Variants in GDF1 observed in about 807,000 individuals in gnomAD.
GDF1 encodes the protein growth differentiation factor 1.
Under a neutral mutation model 7.4 loss-of-function variants are expected in GDF1, and 8 were observed. The observed-to-expected ratio is 1.09, with a 90% CI of 0.64 to 1.96. The LOEUF (loss-of-function observed/expected upper bound fraction) is 1.96, where lower values mean the gene tolerates loss of function less well. GDF1 is among the 30% of genes most tolerant of loss of function. The pLI, the probability that GDF1 is intolerant of heterozygous loss-of-function variation, is 0.00. For synonymous variants in GDF1, 311 were observed against 276.7 expected (o/e 1.12, Z -1.23); for missense variants, 574 against 551.5 (o/e 1.04, Z -0.41).
chr19:18,894,855 C>T (rs567021917), intron 1 of GDF1, among the ~76,000 whole-genome samples: 1 of 152,304 alleles, frequency 6.6e-6, no homozygotes, highest in South Asian at 2.1e-4. Flanking sequence ...CCTTTGTTGG[C>T]GCTGGGCACA....
chr19:18,894,241 A>T (rs1437340725), intron 1 of GDF1, among the ~76,000 whole-genome samples: 1 of 23,814 alleles, frequency 4.2e-5, no homozygotes, highest in Non-Finnish European at 7.9e-5. Flanking sequence ...GGGGTTGGGG[A>T]GTGCGGTGGG....
At chr19:18,869,936 G>T in intron 7 of GDF1, 47 bp downstream of exon 7, 1 of 1,527,696 alleles carries the variant, frequency 6.5e-7, no homozygotes. Flanking sequence ...CTCGCCCTGC[G>T]AGGTCTGGCC....
intron 6 of GDF1, among the ~76,000 whole-genome samples, chr19:18,876,417 C>T (rs941339396): frequency 1.3e-5 from 2 of 152,128 alleles, no homozygotes; most frequent in Non-Finnish European, 1.5e-5. Context: ...GGTGTGATCA[C>T]GGCTCACTGC....
rs538613413 is a variant in GDF1 at position 18,889,509 on chromosome 19, C to T, written c.-914+3907G>A. Among the ~76,000 whole-genome samples the T allele has an allele frequency of 4.6e-5, 7 of 152,240 alleles. No homozygotes were observed. In the South Asian group the frequency reaches 6.2e-4, roughly 14 times the overall value. On this transcript the variant is annotated intron_variant, in intron 2 of 7. Coordinates refer to ENST00000247005, the MANE Select transcript of GDF1 (RefSeq NM_001492.6). ...TTGGCTCACTGCAGCCTCGACCTCC[C>T]GGGCTCAAGCCTCAGCCTCAGCCTC...
Position 18,888,621 on chromosome 19 carries a change from G to A in GDF1, c.-913-4354C>T, listed in dbSNP as rs549976891. On this transcript the variant is annotated intron_variant, in intron 2 of 7. Transcript: ENST00000247005. The stretch of plus-strand genomic sequence containing the variant: ...CAAGGGAGGCAGATCACCTGAAGTC[G>A]GGAGTTCAAGACCAGCCTGACCAAC... 1.1e-4 allele frequency among the ~76,000 whole-genome samples: 17 copies of A among 149,826 alleles called. No individual in the cohort carries two copies. The South Asian group carries it at 3.2e-3, about 28-fold the overall frequency.
chr19:18,885,517 T>G (rs867528172), intron 2 of GDF1, among the ~76,000 whole-genome samples: 2 of 137,542 alleles, frequency 1.5e-5, no homozygotes, highest in Non-Finnish European at 1.5e-5. Context: ...TCTCGTTTTT[T>G]TTTTTTTTTT....
intron 2 of GDF1, among the ~76,000 whole-genome samples, chr19:18,890,803 A>AG (rs2056471737): frequency 6.8e-6 from 1 of 146,624 alleles, no homozygotes; most frequent in Non-Finnish European, 1.5e-5. Flanking sequence ...AAAAAAAAAA[A>AG]GCAGCTAAAG....
chr19:18,881,604 G>T (rs2146023238), intron 3 of GDF1: 1 of 152,302 alleles, frequency 6.6e-6, no homozygotes. Flanking sequence ...CGAGGGTCCT[G>T]GATTCACCCT....
chr19:18,894,285 C>T (rs2056571853), intron 1 of GDF1, among the ~76,000 whole-genome samples: 2 of 151,858 alleles, frequency 1.3e-5, no homozygotes, highest in South Asian at 4.2e-4. Flanking sequence ...CCAGAGCTGC[C>T]CGGCCAAGCC....
At chr19:18,884,845 C>A (rs1180698138) in intron 2 of GDF1, among the ~76,000 whole-genome samples, 4 of 150,488 alleles carry the variant, frequency 2.7e-5, no homozygotes. Context: ...TCCAGAGTAG[C>A]TGGGATTACA....
Position 18,878,064 on chromosome 19 carries a change from CA to C in GDF1, c.-313+865del, listed in dbSNP as rs1426304316. Reference sequence around the variant, plus strand: ...TGTCTGCATCTCGCACCTCCCGTTCCAAAAAACGTCACGGAGCTCTGAGCCA... The same window carrying C: ...TGTCTGCATCTCGCACCTCCCGTTCCAAAAACGTCACGGAGCTCTGAGCCA... On this transcript the variant is annotated intron_variant, in intron 6 of 7. Transcript: ENST00000247005. The surrounding 1 kb of genome is among the most constrained non-coding windows in gnomAD (Gnocchi z 4.6). 1 of 985,410 alleles carries C rather than the reference CA, an allele frequency of 1.0e-6. No individual in the cohort carries two copies. Among genetic ancestry groups the C allele is most frequent in the Middle Eastern group, 5.2e-4 (1 of 1,914 alleles). The allele number at this position is 985,410 out of a possible 1,614,324, so 61.0% of individuals were successfully genotyped here.
chr19:18,895,997 C>G lies in GDF1; in HGVS notation c.-1247G>C. 9.7e-7 allele frequency: 1 copy of G among 1,032,116 alleles called. No homozygotes were observed. The highest frequency in any genetic ancestry group is 1.2e-6 in the Non-Finnish European group (1 of 861,100). The allele number at this position is 1,032,116 out of a possible 1,614,324, so 63.9% of individuals were successfully genotyped here. ...GCCGCCGCCAGCGCGCTGCCCCAGC[C>G]GCGCTGCACTAGCTGCGCGTAGCTC... On this transcript the variant is annotated 5_prime_UTR_variant, in exon 1 of 8. Coordinates refer to ENST00000247005, the MANE Select transcript of GDF1 (RefSeq NM_001492.6). This position sits in a 1 kb window ranked among gnomAD's most constrained non-coding sequence, Gnocchi z 6.4.
At chr19:18,889,572 G>A (rs1050961248) in intron 2 of GDF1, among the ~76,000 whole-genome samples, 7 of 152,132 alleles carry the variant, frequency 4.6e-5, no homozygotes, top group South Asian at 2.1e-4. Context: ...CCACAGGCAC[G>A]CGCCACCATA....
rs766021529 is a variant in GDF1, at chr19:18,879,283, C to T, written c.-465G>A. 1.5e-5 allele frequency: 25 copies of T among 1,613,196 alleles called. No individual in the cohort carries two copies. The highest frequency in any genetic ancestry group is 1.6e-4 in the Middle Eastern group (1 of 6,082). On this transcript the variant is annotated 5_prime_UTR_variant, in exon 5 of 8. Coordinates refer to ENST00000247005, the MANE Select transcript of GDF1 (RefSeq NM_001492.6). ...TCATAAGGGTGAGCAGCAGCAGGAG[C>T]GCATTGAAGAAGAAGTAGAAGGGGA...
In GDF1 at chr19:18,895,224, G is replaced by A. The variant is rs1306633210; in HGVS notation, c.-1074+600C>T. On this transcript the variant is annotated intron_variant, in intron 1 of 7. Coordinates refer to ENST00000247005, the MANE Select transcript of GDF1 (RefSeq NM_001492.6). This position sits in a 1 kb window ranked among gnomAD's most constrained non-coding sequence, Gnocchi z 6.4. ...TGACCCCAGATAGGCACAAGGCAGC[G>A]ACCGGGCAGCTCCTGCCTCTTCCCG... Among the ~76,000 whole-genome samples, 2 of 152,222 alleles carry A rather than the reference G, an allele frequency of 1.3e-5. No homozygotes were observed. The highest frequency in any genetic ancestry group is 2.9e-5 in the Non-Finnish European group (2 of 68,042).
intron 6 of GDF1, among the ~76,000 whole-genome samples, chr19:18,875,632 A>C (rs1601156130): frequency 1.3e-5 from 2 of 151,916 alleles, no homozygotes; most frequent in Admixed American, 1.3e-4. Context: ...GCTTTCTTTT[A>C]TTAAACTTTT....
intron 2 of GDF1, 121 bp downstream of exon 2, chr19:18,893,295 G>T: frequency 9.0e-7 from 1 of 1,113,512 alleles, no homozygotes; most frequent in Non-Finnish European, 1.3e-6. Context: ...GCTCCCCTTG[G>T]CCTCCAACTC....
chr19:18,872,329 TTC>T (rs1017505885), intron 6 of GDF1, among the ~76,000 whole-genome samples: 1 of 152,176 alleles, frequency 6.6e-6, no homozygotes, highest in Non-Finnish European at 1.5e-5. Flanking sequence ...GAGATAGCTT[TTC>T]TCTGTTATCT....
intron 2 of GDF1, among the ~76,000 whole-genome samples, chr19:18,890,050 C>T (rs576219218): frequency 2.0e-5 from 3 of 152,322 alleles, no homozygotes; most frequent in Non-Finnish European, 4.4e-5. Flanking sequence ...GATGCCCAAC[C>T]CAGGGTGACA....
Sources: allele counts gnomAD v4.1 joint callset (sites outside exome capture counted in the v4.1 genomes callset), GRCh38; gene constraint gnomAD v4.1.1; non-coding constraint Gnocchi (gnomAD v3.1); transcripts MANE v1.5; gene names NCBI Gene and HGNC (gene_info 2026-07-23, HGNC 2026-07-21).